The following GRB10 variants were observed in gnomAD, a reference collection of about 807,000 sequenced individuals.
GRB10 encodes growth factor receptor bound protein 10, also known as growth factor receptor-bound protein 10.
Under a neutral mutation model 80.9 loss-of-function variants are expected in GRB10, and 20 were observed. That is an observed-to-expected ratio of 0.25 (90% CI 0.17 to 0.36). The LOEUF (loss-of-function observed/expected upper bound fraction) is 0.36, where lower values mean the gene tolerates loss of function less well. GRB10 is among the 10% of genes least tolerant of loss of function. The pLI is 1.00. For synonymous variants in GRB10, 291 were observed against 291.5 expected (o/e 1.00, Z 0.02); for missense variants, 548 against 747.7 (o/e 0.73, Z 3.12).
chr7:50,670,543 T>G (rs947839960), intron 6 of GRB10, among the ~76,000 whole-genome samples: 1 of 138,512 alleles, frequency 7.2e-6, no homozygotes, highest in Non-Finnish European at 1.6e-5. Context: ...GGGGGCGGGG[T>G]GCCGAAGTTT....
intron 7 of GRB10, among the ~76,000 whole-genome samples, chr7:50,640,866 T>C (rs1487859839): frequency 6.6e-6 from 1 of 152,224 alleles, no homozygotes; most frequent in African/African-American, 2.4e-5. Context: ...GTTTTTCTTG[T>C]AGATGGACTC....
In GRB10 at chr7:50,591,321, C is replaced by G. The variant is rs537151371; in HGVS notation, c.*1631G>C. 6.6e-6 allele frequency: 1 copy of G among 152,346 alleles called. No homozygotes were observed. The highest frequency in any genetic ancestry group is 2.1e-4 in the South Asian group (1 of 4,830). 9.4% of individuals were successfully genotyped at this position (152,346 alleles called of 1,614,324 possible). ...TTCCAGCTGACTGGCCTTACTGAAG[C>G]TTGTGACACTGCTCTAGGCTACGGG... On this transcript the variant is annotated 3_prime_UTR_variant, in exon 19 of 19. Coordinates refer to ENST00000401949, the MANE Select transcript of GRB10 (RefSeq NM_001350814.2).
intron 5 of GRB10, among the ~76,000 whole-genome samples, chr7:50,691,730 A>G (rs1586942762): frequency 6.6e-6 from 1 of 152,226 alleles, no homozygotes; most frequent in African/African-American, 2.4e-5. Context: ...TTTTGTGGGA[A>G]AAGGATTATA....
rs565461637 is a variant in GRB10, at chr7:50,674,700, T to C, written c.140-42A>G. ...AAGAGCAAAAAAGAAACTTTAACAATGGAGAGCAATCAAACCCAAATGTAC... is the reference window on the plus strand; with the variant it reads ...AAGAGCAAAAAAGAAACTTTAACAACGGAGAGCAATCAAACCCAAATGTAC... On this transcript the variant is annotated intron_variant, in intron 5 of 18. Transcript: ENST00000401949. 1.2e-5 allele frequency: 18 copies of C among 1,543,190 alleles called. No homozygotes were observed. In the Admixed American group the frequency reaches 1.5e-4, roughly 13 times the overall value.
At chr7:50,719,130 T>C (rs569852565) in intron 4 of GRB10, among the ~76,000 whole-genome samples, 1 of 152,302 alleles carries the variant, frequency 6.6e-6, no homozygotes, top group South Asian at 2.1e-4. Context: ...TGTTATAATC[T>C]GAGAATGCAG....
Position 50,749,136 on chromosome 7 carries a change from T to TTTTTG in GRB10, c.-47+6750_-47+6751insCAAAA, listed in dbSNP as rs1562602813. 3.1e-4 allele frequency among the ~76,000 whole-genome samples: 46 copies of TTTTTG among 146,736 alleles called. 1 individual carries two copies. Among genetic ancestry groups the TTTTTG allele is most frequent in the South Asian group, 1.8e-3 (8 of 4,526 alleles). ...TGTTTTGTTTTGTTTTTTTGTTTGT[T>TTTTTG]TTTTTTTTTTGAGATGGAGTCTCAC... is the stretch of plus-strand genomic sequence containing the variant. On this transcript the variant is annotated intron_variant, in intron 3 of 18. Coordinates refer to ENST00000401949, the MANE Select transcript of GRB10 (RefSeq NM_001350814.2).
chr7:50,770,070 C>A (rs974875004), intron 2 of GRB10, among the ~76,000 whole-genome samples: 17 of 152,302 alleles, frequency 1.1e-4, no homozygotes, highest in Admixed American at 5.2e-4. Context: ...ACAGCCCCCA[C>A]ACTCAAGCTG....
At chr7:50,678,649 A>G (rs1318023071) in intron 5 of GRB10, among the ~76,000 whole-genome samples, 1 of 152,144 alleles carries the variant, frequency 6.6e-6, no homozygotes, top group African/African-American at 2.4e-5. Flanking sequence ...AAAGAAGACA[A>G]TTTTTCATAT....
intron 3 of GRB10, among the ~76,000 whole-genome samples, chr7:50,742,486 A>T (rs1044205977): frequency 6.6e-6 from 1 of 152,214 alleles, no homozygotes; most frequent in Non-Finnish European, 1.5e-5. Flanking sequence ...CCGGACATAC[A>T]GCATGGGCAT....
intron 17 of GRB10, among the ~76,000 whole-genome samples, chr7:50,601,801 A>C (rs941134414): frequency 6.6e-6 from 1 of 152,188 alleles, no homozygotes; most frequent in South Asian, 2.1e-4. Flanking sequence ...GTTTACTAAA[A>C]AGATCTAAAG....
intron 8 of GRB10, among the ~76,000 whole-genome samples, chr7:50,619,834 C>T (rs55990920): frequency 0.11 from 17,229 of 152,206 alleles, 1,279 homozygotes; most frequent in Non-Finnish European, 0.17. Flanking sequence ...GAAGCCCGCA[C>T]GCACATCATG....
chr7:50,722,374 T>C (rs965811404), intron 4 of GRB10, among the ~76,000 whole-genome samples: 1 of 152,138 alleles, frequency 6.6e-6, no homozygotes, highest in African/African-American at 2.4e-5. Context: ...ACCAAAGAAG[T>C]GTCAGGGCAA....
At chr7:50,734,465 C>CA (rs36000185) in intron 3 of GRB10, among the ~76,000 whole-genome samples, 87,838 of 151,714 alleles carry the variant, frequency 0.58, 27,412 homozygotes, top group Middle Eastern at 0.81. Flanking sequence ...CCACACCCCC[C>CA]ACGCACGCCG....
At chr7:50,691,224 A>G (rs1023076694) in intron 5 of GRB10, among the ~76,000 whole-genome samples, 3 of 152,188 alleles carry the variant, frequency 2.0e-5, no homozygotes, top group Non-Finnish European at 4.4e-5. Context: ...GAGCCACTGA[A>G]CGATCGAGGA....
chr7:50,701,363 G>A (rs941600684), intron 5 of GRB10, among the ~76,000 whole-genome samples: 2 of 152,114 alleles, frequency 1.3e-5, no homozygotes, highest in Non-Finnish European at 2.9e-5. Context: ...TCCAGTGGTC[G>A]ACATGGGAGG....
intron 5 of GRB10, among the ~76,000 whole-genome samples, chr7:50,693,472 G>A (rs919619743): frequency 6.6e-6 from 1 of 152,194 alleles, no homozygotes; most frequent in African/African-American, 2.4e-5. Context: ...AAGAAAAGAA[G>A]CTAAAGAAAC....
At chr7:50,718,066 C>T (rs993746289) in intron 4 of GRB10, among the ~76,000 whole-genome samples, 13 of 152,206 alleles carry the variant, frequency 8.5e-5, no homozygotes, top group Non-Finnish European at 1.5e-4. Flanking sequence ...CAGACAATTC[C>T]AGCCCACTGA....
intron 7 of GRB10, among the ~76,000 whole-genome samples, chr7:50,651,512 G>A (rs535166271): frequency 6.6e-6 from 1 of 152,152 alleles, no homozygotes; most frequent in Non-Finnish European, 1.5e-5. Flanking sequence ...ACTCCAGTAC[G>A]ACCTCATCTT....
At chr7:50,618,495 C>T (rs1434704027) in intron 9 of GRB10, among the ~76,000 whole-genome samples, 2 of 152,178 alleles carry the variant, frequency 1.3e-5, no homozygotes, top group Admixed American at 6.5e-5. Context: ...AGCCCAGTCA[C>T]GAGAAAAGCC....
Sources: allele counts gnomAD v4.1 joint callset (sites outside exome capture counted in the v4.1 genomes callset), GRCh38; gene constraint gnomAD v4.1.1; transcripts MANE v1.5; gene names NCBI Gene and HGNC (gene_info 2026-07-23, HGNC 2026-07-21).